The following CBFA2T2 variants were observed in gnomAD, a reference collection of about 807,000 sequenced individuals.
The protein encoded by CBFA2T2 is protein CBFA2T2.
In CBFA2T2, 11 loss-of-function variants were observed where a neutral mutation model predicts 62.2. The ratio of observed to expected loss-of-function variants is 0.18; its 90% CI spans 0.11 to 0.29. CBFA2T2 has a LOEUF of 0.29. CBFA2T2 is among the 10% of genes least tolerant of loss of function. CBFA2T2 has a pLI of 1.00. For missense variants in CBFA2T2, 592 were observed against 774.1 expected (o/e 0.76, Z 2.79); for synonymous variants, 295 against 287.5 (o/e 1.03, Z -0.27).
chr20:33,596,163 C>A (rs1440501643), intron 1 of CBFA2T2, among the ~76,000 whole-genome samples: 1 of 152,154 alleles, frequency 6.6e-6, no homozygotes, highest in Non-Finnish European at 1.5e-5. Context: ...AAGAGATGGT[C>A]TTAAATTGAG....
intron 6 of CBFA2T2, among the ~76,000 whole-genome samples, 194 bp downstream of exon 6, chr20:33,625,211 G>C (rs942844946): frequency 1.8e-4 from 28 of 151,970 alleles, no homozygotes; most frequent in Admixed American, 5.9e-4. Flanking sequence ...TGATATGATA[G>C]AAGTACAGCT....
intron 4 of CBFA2T2, among the ~76,000 whole-genome samples, chr20:33,621,481 G>C (rs1206654600): frequency 2.6e-5 from 4 of 151,692 alleles, no homozygotes; most frequent in African/African-American, 9.7e-5. Context: ...ATTTATAGTA[G>C]AGACTATTAA....
intron 5 of CBFA2T2, 30 bp downstream of exon 5, chr20:33,623,326 T>G: frequency 6.2e-7 from 1 of 1,612,156 alleles, no homozygotes; most frequent in Non-Finnish European, 8.5e-7. Context: ...TGTCCTTGCC[T>G]TCCTGGAACC....
At chr20:33,523,437 T>G (rs923004241) in intron 1 of CBFA2T2, among the ~76,000 whole-genome samples, 6 of 152,022 alleles carry the variant, frequency 3.9e-5, no homozygotes, top group African/African-American at 9.7e-5. Context: ...AATTATAATT[T>G]AATTACAGAG....
At chr20:33,554,721 G>A (rs2012845956) in intron 1 of CBFA2T2, among the ~76,000 whole-genome samples, 1 of 150,350 alleles carries the variant, frequency 6.7e-6, no homozygotes, top group African/African-American at 2.5e-5. Flanking sequence ...ACTGCGCCTG[G>A]CTGTTTTTCT....
intron 1 of CBFA2T2, among the ~76,000 whole-genome samples, chr20:33,532,180 C>T (rs768942991): frequency 6.6e-6 from 1 of 152,150 alleles, no homozygotes; most frequent in Non-Finnish European, 1.5e-5. Flanking sequence ...ATTTTTAGCT[C>T]CTGGTGTGCA....
At chr20:33,532,240 A>G (rs2012081592) in intron 1 of CBFA2T2, among the ~76,000 whole-genome samples, 1 of 152,162 alleles carries the variant, frequency 6.6e-6, no homozygotes, top group Non-Finnish European at 1.5e-5. Context: ...CTTAACCTCT[A>G]ATAGATTAAG....
At chr20:33,614,911 C>T (rs572783035) in intron 3 of CBFA2T2, among the ~76,000 whole-genome samples, 10 of 152,188 alleles carry the variant, frequency 6.6e-5, no homozygotes, top group Non-Finnish European at 1.3e-4. Context: ...GTGGCCCAAC[C>T]TTACAAGCAG....
At chr20:33,567,432 G>T (rs1161935625) in intron 1 of CBFA2T2, among the ~76,000 whole-genome samples, 1 of 152,106 alleles carries the variant, frequency 6.6e-6, no homozygotes, top group East Asian at 1.9e-4. Flanking sequence ...TCGCTTTCCA[G>T]GGTTTCAGTT....
rs2015386949 is a variant in CBFA2T2, at chr20:33,607,653, T to C, written c.178+554T>C. Among the ~76,000 whole-genome samples the C allele has an allele frequency of 3.9e-5, 6 of 152,342 alleles. No individual in the cohort carries two copies. The South Asian group carries it at 1.2e-3, about 32-fold the overall frequency. On this transcript the variant is annotated intron_variant, in intron 2 of 10. Transcript: ENST00000342704. ...CTTGTAGATGGTTGCCTTCTTGCCA[T>C]ATCCTCACATGGTCTTTCCTCCATT...
Position 33,644,723 on chromosome 20 carries a change from G to A in CBFA2T2, c.*77G>A, listed in dbSNP as rs944701430. ...GCTGAGGGACTGACTGTTGGAACCC[G>A]TGCATGTAGCTGCCGGGTCATCAGC... On this transcript the variant is annotated 3_prime_UTR_variant, in exon 11 of 11. Transcript: ENST00000342704. 47 of 1,455,266 alleles carry A rather than the reference G, an allele frequency of 3.2e-5. No homozygotes were observed. The highest frequency in any genetic ancestry group is 2.1e-4 in the African/African-American group (15 of 70,636). The allele number at this position is 1,455,266 out of a possible 1,614,324, so 90.1% of individuals were successfully genotyped here.
chr20:33,510,066 CGGTGTT>C (rs932915809), intron 1 of CBFA2T2, among the ~76,000 whole-genome samples: 4 of 151,894 alleles, frequency 2.6e-5, no homozygotes, highest in Non-Finnish European at 5.9e-5. Context: ...TGAGAACATG[CGGTGTT>C]TGGTTTTCTG....
At chr20:33,532,227 G>T (rs911422566) in intron 1 of CBFA2T2, among the ~76,000 whole-genome samples, 10 of 152,186 alleles carry the variant, frequency 6.6e-5, no homozygotes, top group African/African-American at 1.7e-4. Flanking sequence ...GAGTATGACA[G>T]TACTTAACCT....
At chr20:33,509,727 GC>G (rs1420895862) in intron 1 of CBFA2T2, among the ~76,000 whole-genome samples, 1 of 152,110 alleles carries the variant, frequency 6.6e-6, no homozygotes, top group Non-Finnish European at 1.5e-5. Flanking sequence ...TACTTGGGAG[GC>G]TAGGGCAAGA....
chr20:33,506,834 A>G (rs1486360897), intron 1 of CBFA2T2, among the ~76,000 whole-genome samples: 4 of 152,170 alleles, frequency 2.6e-5, no homozygotes, highest in Admixed American at 1.3e-4. Context: ...TTGGCTAGCT[A>G]TGAGTTTTCT....
chr20:33,519,267 C>G (rs540932098), intron 1 of CBFA2T2, among the ~76,000 whole-genome samples: 1 of 151,950 alleles, frequency 6.6e-6, no homozygotes, highest in African/African-American at 2.4e-5. Context: ...ATCAGGAGTT[C>G]GAGACCAGCC....
chr20:33,515,020 A>G (rs978066808), intron 1 of CBFA2T2, among the ~76,000 whole-genome samples: 6 of 151,388 alleles, frequency 4.0e-5, no homozygotes, highest in African/African-American at 7.3e-5. Flanking sequence ...GAAAACACCT[A>G]GTGAATCAAG....
intron 1 of CBFA2T2, among the ~76,000 whole-genome samples, chr20:33,573,063 A>G (rs939124522): frequency 1.3e-5 from 2 of 152,168 alleles, no homozygotes; most frequent in Non-Finnish European, 2.9e-5. Flanking sequence ...AATAATTGTC[A>G]AATCTGTCTT....
rs149085504 is a variant in CBFA2T2 at position 33,501,334 on chromosome 20, A to T, written c.34+11033A>T. On this transcript the variant is annotated intron_variant, in intron 1 of 10. Coordinates refer to ENST00000342704, the MANE Select transcript of CBFA2T2 (RefSeq NM_001032999.3). ...TTTCTTTGTTAATTTAGCCATCTCCATGCAGAGGTCGTGCCTGCTTTTAAT... is the reference window on the plus strand; with the variant it reads ...TTTCTTTGTTAATTTAGCCATCTCCTTGCAGAGGTCGTGCCTGCTTTTAAT... 1.0e-3 allele frequency among the ~76,000 whole-genome samples: 155 copies of T among 152,318 alleles called. 1 individual carries two copies. The East Asian group carries it at 0.024, about 23-fold the overall frequency.
Sources: allele counts gnomAD v4.1 joint callset (sites outside exome capture counted in the v4.1 genomes callset), GRCh38; gene constraint gnomAD v4.1.1; transcripts MANE v1.5; gene names NCBI Gene and HGNC (gene_info 2026-07-23, HGNC 2026-07-21).